Variants in PHC1 observed in about 807,000 individuals in gnomAD.
PHC1 encodes the protein polyhomeotic homolog 1.
In PHC1, 12 loss-of-function variants were observed where a neutral mutation model predicts 104.3. That is an observed-to-expected ratio of 0.12 (90% CI 0.07 to 0.19). PHC1 has a LOEUF of 0.19. PHC1 is among the 10% of genes least tolerant of loss of function. The pLI is 1.00. For synonymous variants in PHC1, 302 were observed against 455.8 expected (o/e 0.66, Z 4.30); for missense variants, 671 against 1,200.0 (o/e 0.56, Z 6.51).
chr12:8,931,721 C>T (rs991592522), intron 7 of PHC1, among the ~76,000 whole-genome samples: 6 of 151,928 alleles, frequency 3.9e-5, no homozygotes, highest in South Asian at 4.2e-4. Flanking sequence ...TTTCAGACTG[C>T]GGGTAAGATG....
intron 4 of PHC1, 25 bp downstream of exon 4, chr12:8,921,090 A>G: frequency 1.9e-6 from 3 of 1,546,560 alleles, no homozygotes; most frequent in Non-Finnish European, 2.7e-6. Flanking sequence ...TCCCACTGAG[A>G]GGCTTCTCTA....
chr12:8,921,163 C>G (rs530104449), intron 4 of PHC1, 98 bp downstream of exon 4: 1 of 853,004 alleles, frequency 1.2e-6, no homozygotes, highest in Middle Eastern at 2.3e-4. Context: ...TTTATTGAGC[C>G]GTCAGTGGAT....
At chr12:8,914,462 G>GGC (rs200527404), upstream of PHC1, 4 of 148,652 alleles carry the variant, frequency 2.7e-5, no homozygotes, top group Admixed American at 6.6e-5. Flanking sequence ...GACGGCGGGG[G>GGC]GGGGGTCCGG....
chr12:8,933,489 A>G, intron 8 of PHC1, 139 bp downstream of exon 8: 1 of 1,077,840 alleles, frequency 9.3e-7, no homozygotes, highest in South Asian at 1.8e-5. Flanking sequence ...CTTCTGTAAG[A>G]GAGTGACACA....
intron 6 of PHC1, among the ~76,000 whole-genome samples, chr12:8,925,397 A>G (rs756855311): frequency 6.6e-6 from 1 of 152,186 alleles, no homozygotes; most frequent in African/African-American, 2.4e-5. Context: ...CCATTGAAAC[A>G]CCAGACATTA....
chr12:8,937,055 TTA>T, intron 12 of PHC1, 91 bp downstream of exon 12: 1 of 1,395,456 alleles, frequency 7.2e-7, no homozygotes, highest in African/African-American at 1.4e-5. Flanking sequence ...AGCTGATATT[TTA>T]TGTCTCCCTC....
chr12:8,917,272 C>G (rs1945229678), intron 1 of PHC1, among the ~76,000 whole-genome samples: 2 of 152,072 alleles, frequency 1.3e-5, no homozygotes, highest in Non-Finnish European at 2.9e-5. Context: ...ATGAGATAAC[C>G]AAAACTTTTA....
Position 8,933,174 on chromosome 12 carries a change from C to T in PHC1, c.1717C>T (p.Pro573Ser). 1 of 1,386,514 alleles carries T rather than the reference C, an allele frequency of 7.2e-7. No individual in the cohort carries two copies. The highest frequency in any genetic ancestry group is 9.6e-7 in the Non-Finnish European group (1 of 1,045,910). The allele number at this position is 1,386,514 out of a possible 1,614,324, so 85.9% of individuals were successfully genotyped here. ...TGGTCAGGCCCATTTGGCCTCCTCG[C>T]CACCTTCATCCCAGGCTCCTGGTGC... ...QSGQAHLASS[P>S]PSSQAPGALQ... is the part of the protein sequence containing the mutation. The change falls in exon 8 of 15, where the codon CCA (proline) becomes TCA (serine). Residue 573 changes from proline to serine, a missense_variant. Pro to Ser is a moderately conservative substitution (Grantham distance 74). Transcript: ENST00000544916.
chr12:8,931,538 A>G (rs1189869523), intron 7 of PHC1, among the ~76,000 whole-genome samples: 1 of 152,176 alleles, frequency 6.6e-6, no homozygotes, highest in Non-Finnish European at 1.5e-5. Flanking sequence ...CGTCTCTACT[A>G]AAAATACAAA....
intron 11 of PHC1, 81 bp from the exon 12 acceptor site, chr12:8,936,775 A>C: frequency 2.2e-6 from 2 of 895,158 alleles, no homozygotes; most frequent in South Asian, 2.9e-5. Context: ...GAATAATTTT[A>C]GAATCCAGCT....
At chr12:8,927,906 T>TTTCC (rs2137094257) in intron 6 of PHC1, among the ~76,000 whole-genome samples, 2 of 113,050 alleles carry the variant, frequency 1.8e-5, no homozygotes, top group Admixed American at 1.7e-4. Context: ...TCTTTCTTTC[T>TTTCC]TTCTTTCTTT....
At position 8,938,859 on chromosome 12, in the gene PHC1, CTG is replaced by C. The variant is rs779580654; in HGVS notation, c.2861-444_2861-443del. 4.4e-3 allele frequency among the ~76,000 whole-genome samples: 668 copies of C among 151,652 alleles called. 5 individuals carry two copies. Among genetic ancestry groups the C allele is most frequent in the African/African-American group, 0.015 (630 of 41,320 alleles). ...TGTTGTTTTGAGACAGAGTCTTACT[CTG>C]TTGCCCAGGCTGGAGTGCTGTGGCA... is the stretch of plus-strand genomic sequence containing the variant. On this transcript the variant is annotated intron_variant, in intron 14 of 14. Coordinates refer to ENST00000544916, the MANE Select transcript of PHC1 (RefSeq NM_004426.3).
intron 11 of PHC1, among the ~76,000 whole-genome samples, 165 bp downstream of exon 11, chr12:8,935,403 A>G (rs1163867856): frequency 6.6e-6 from 1 of 152,234 alleles, no homozygotes; most frequent in African/African-American, 2.4e-5. Context: ...AGGCAGGCAT[A>G]TCACCTGAGG....
Position 8,932,597 on chromosome 12 carries a change from T to A in PHC1, c.1140T>A (p.Ile380=). ...CACAGATCCAGCCCCATTCACTGAT[T>A]CAGCAACAGCAACAGATCCACCTCC... ...TYTQIQPHSL[I]QQQQQIHLQQ... The change falls in exon 8 of 15, where the codon ATT becomes ATA. Residue 380 remains isoleucine, a synonymous_variant. Coordinates refer to ENST00000544916, the MANE Select transcript of PHC1 (RefSeq NM_004426.3). 1 of 1,614,034 alleles carries A rather than the reference T, an allele frequency of 6.2e-7. No individual in the cohort carries two copies. Among genetic ancestry groups the A allele is most frequent in the Non-Finnish European group, 8.5e-7 (1 of 1,179,890 alleles).
In PHC1 at chr12:8,928,396, ACT is replaced by A. The variant is rs369275852; in HGVS notation, c.613-2033_613-2032del. 6.9e-3 allele frequency among the ~76,000 whole-genome samples: 1,043 copies of A among 151,292 alleles called. 12 individuals are homozygous for A. The highest frequency in any genetic ancestry group is 0.024 in the African/African-American group (987 of 41,354). ...AAAATTGTAATCCTTGGATCATGAC[ACT>A]CTCTCACTGTTGGTCTCGTCATAAC... is the stretch of plus-strand genomic sequence containing the variant. On this transcript the variant is annotated intron_variant, in intron 6 of 14. Transcript: ENST00000544916.
chr12:8,935,252 T>C lies in PHC1; in HGVS notation c.2368+14T>C, dbSNP rs1160825257. The C allele has an allele frequency of 2.2e-6, 3 of 1,395,036 alleles. No homozygotes were observed. Among genetic ancestry groups the C allele is most frequent in the South Asian group, 1.2e-5 (1 of 81,704 alleles). 86.4% of individuals were successfully genotyped at this position (1,395,036 alleles called of 1,614,324 possible). A position where few individuals can be genotyped will look rare whatever the true frequency, so the allele number is the denominator to read the frequency against. On this transcript the variant is annotated intron_variant, in intron 11 of 14. Coordinates refer to ENST00000544916, the MANE Select transcript of PHC1 (RefSeq NM_004426.3). Reference sequence around the variant, plus strand: ...GCCCATCTGCTGGTGAGCATTTATTTAGAGACTCATTTGGGGGAAGGAGAC... The same window carrying C: ...GCCCATCTGCTGGTGAGCATTTATTCAGAGACTCATTTGGGGGAAGGAGAC...
At chr12:8,936,415 A>G (rs1052631627) in intron 11 of PHC1, among the ~76,000 whole-genome samples, 1 of 152,164 alleles carries the variant, frequency 6.6e-6, no homozygotes, top group Admixed American at 6.5e-5. Context: ...GATCTAAAAT[A>G]GGACATTTAT....
rs962774070 is a variant in PHC1 at position 8,914,836 on chromosome 12, G to A, written c.-49+9G>A. 1.3e-5 allele frequency: 2 copies of A among 154,324 alleles called. No individual in the cohort carries two copies. The highest frequency in any genetic ancestry group is 4.8e-5 in the African/African-American group (2 of 41,520). 9.6% of individuals were successfully genotyped at this position (154,324 alleles called of 1,614,324 possible). A position where few individuals can be genotyped will look rare whatever the true frequency, so the allele number is the denominator to read the frequency against. ...CACAGCCAGGCGAGAAGGTAACCGG[G>A]CGACCGAGGGCCGGGGAGGGGCAGG... is the stretch of plus-strand genomic sequence containing the variant. On this transcript the variant is annotated intron_variant, in intron 1 of 14. Coordinates refer to ENST00000544916, the MANE Select transcript of PHC1 (RefSeq NM_004426.3).
chr12:8,914,722 C>T lies in PHC1; in HGVS notation c.-154C>T, dbSNP rs1315871104. 1.3e-5 allele frequency: 2 copies of T among 151,972 alleles called. No homozygotes were observed. The highest frequency in any genetic ancestry group is 2.4e-5 in the African/African-American group (1 of 41,350). 9.4% of individuals were successfully genotyped at this position (151,972 alleles called of 1,614,324 possible). ...GGAAGGGGAGGAGGCGAGGGGAGCC[C>T]GCCGCGGAGGCCGAGCGAGCCCCCA... On this transcript the variant is annotated 5_prime_UTR_variant, in exon 1 of 15. Transcript: ENST00000544916.
Sources: gnomAD v4.1 joint callset for allele counts (sites outside exome capture counted in the v4.1 genomes callset) on GRCh38, gnomAD v4.1.1 for gene constraint, MANE v1.5 for transcripts, NCBI Gene and HGNC (gene_info 2026-07-23, HGNC 2026-07-21) for gene names.